Variants in PAH observed in about 807,000 individuals in gnomAD.
PAH encodes phenylalanine-4-hydroxylase.
PAH carries 64 observed loss-of-function variants against 62.0 expected under a neutral mutation model. The ratio of observed to expected loss-of-function variants is 1.03; its 90% confidence interval spans 0.84 to 1.27. PAH has a LOEUF of 1.27. PAH is among the 50% of genes most tolerant of loss of function. PAH has a pLI of 0.00. For missense variants in PAH, 579 were observed against 542.8 expected (o/e 1.07, Z -0.66); for synonymous variants, 195 against 196.2 (o/e 0.99, Z 0.05).
chr12:102,900,678 T>C (rs1045235947), intron 2 of PAH, among the ~76,000 whole-genome samples: 2 of 152,226 alleles, frequency 1.3e-5, no homozygotes, highest in African/African-American at 4.8e-5. Flanking sequence ...GTCTTTCTAA[T>C]TTACTAGTAT....
rs281865438 is a variant in PAH, at chr12:102,912,795, A to G, written c.164T>C (p.Phe55Ser). Residue 55 changes from phenylalanine to serine, a missense_variant, in exon 2 of 13, where the codon TTT becomes TCT. Physicochemically the swap from Phe to Ser is radical, Grantham distance 155 (BLOSUM62 -2). Coordinates refer to ENST00000553106, the MANE Select transcript of PAH (RefSeq NM_000277.3). ...AAACATGATTGTAGCACTGACCTCA[A>G]ATAAGCGCAATACTTTGGCCAATGC... ...VGALAKVLRL[F>S]EENDVNLTHI... is the part of the protein sequence containing the mutation. 1 of 1,607,032 alleles carries G rather than the reference A, an allele frequency of 6.2e-7. No homozygotes were observed. The highest frequency in any genetic ancestry group is 8.5e-7 in the Non-Finnish European group (1 of 1,173,572).
chr12:102,864,887 CACCGA>C, intron 5 of PAH, among the ~76,000 whole-genome samples: 1 of 150,936 alleles, frequency 6.6e-6, no homozygotes, highest in South Asian at 2.1e-4. Flanking sequence ...GTAAAAAGAG[CACCGA>C]AAGCTTAAAT....
intron 4 of PAH, among the ~76,000 whole-genome samples, chr12:102,874,406 ATCATG>A (rs1404342588): frequency 6.6e-6 from 1 of 152,200 alleles, no homozygotes; most frequent in Non-Finnish European, 1.5e-5. Context: ...GAGGGCAGGG[ATCATG>A]TCATCTGTCA....
rs1169321958 is a variant in PAH at position 102,957,528 on chromosome 12, T to C, written c.-96+667A>G. On this transcript the variant is annotated intron_variant, in intron 1 of 4. Transcript: ENST00000551337. The surrounding 1 kb of genome is among the most constrained non-coding windows in gnomAD (Gnocchi z 4.1). Reference sequence around the variant, plus strand: ...AGAGGAGGAGGGGGAGTTTAGGGAGTGGGTGGGAGGAAGAGGTAAGAGGAG... The same window carrying C: ...AGAGGAGGAGGGGGAGTTTAGGGAGCGGGTGGGAGGAAGAGGTAAGAGGAG... 6.7e-5 allele frequency among the ~76,000 whole-genome samples: 2 copies of C among 29,640 alleles called. No homozygotes were observed. Among genetic ancestry groups the C allele is most frequent in the African/African-American group, 2.6e-4 (2 of 7,614 alleles). 19.4% of individuals were successfully genotyped at this position (29,640 alleles called of 152,430 possible).
chr12:102,850,231 T>A (rs1345318089), intron 8 of PAH, among the ~76,000 whole-genome samples: 2 of 152,198 alleles, frequency 1.3e-5, no homozygotes, highest in Admixed American at 1.3e-4. Context: ...GTTCAACTAA[T>A]CCCGAAACAC....
chr12:102,861,966 T>TAAAAAAAAAA (rs71097947), intron 5 of PAH, among the ~76,000 whole-genome samples: 16 of 128,412 alleles, frequency 1.2e-4, no homozygotes, highest in South Asian at 2.6e-4. Flanking sequence ...ACTTAAAGTA[T>TAAAAAAAAAA]AAAAAAAAAA....
intron 4 of PAH, among the ~76,000 whole-genome samples, chr12:102,872,743 G>A (rs957696765): frequency 2.6e-5 from 4 of 152,112 alleles, no homozygotes; most frequent in South Asian, 2.1e-4. Context: ...TGAGGCGAGC[G>A]GATCACCTGA....
intron 5 of PAH, among the ~76,000 whole-genome samples, chr12:102,857,994 T>C (rs1565849557): frequency 6.6e-6 from 1 of 152,084 alleles, no homozygotes; most frequent in Non-Finnish European, 1.5e-5. Context: ...TAAATGTAAA[T>C]GGGGCTAAAT....
intron 4 of PAH, among the ~76,000 whole-genome samples, chr12:102,871,029 A>C (rs1203762029): frequency 6.6e-6 from 1 of 151,986 alleles, no homozygotes; most frequent in Non-Finnish European, 1.5e-5. Flanking sequence ...TGTCCTTCCT[A>C]CTTCATTCTC....
upstream of PAH, among the ~76,000 whole-genome samples, chr12:102,919,560 G>A (rs920585831): frequency 2.0e-5 from 3 of 151,312 alleles, no homozygotes; most frequent in African/African-American, 7.3e-5. Context: ...ATATTTTTTT[G>A]TACCTATTAA....
intron 4 of PAH, among the ~76,000 whole-genome samples, chr12:102,867,911 A>G (rs192987275): frequency 0.013 from 1,787 of 139,280 alleles, 150 homozygotes; most frequent in African/African-American, 0.047. Context: ...GTATATATAC[A>G]TGTATATACA....
Position 102,846,881 on chromosome 12 carries a change from G to A in PAH, c.969+14C>T, listed in dbSNP as rs778297013. ...TAGCACTCCACCATCCACCCAGGGAGAGAAGGGACTTACTGTGGCGAGCTT... is the reference window on the plus strand; with the variant it reads ...TAGCACTCCACCATCCACCCAGGGAAAGAAGGGACTTACTGTGGCGAGCTT... On this transcript the variant is annotated intron_variant, in intron 9 of 12. Transcript: ENST00000553106. The A allele has an allele frequency of 3.7e-6, 6 of 1,610,816 alleles. No individual in the cohort carries two copies. The Admixed American group carries it at 8.3e-5, about 22-fold the overall frequency.
chr12:102,922,414 G>C (rs34998754), intron 1 of PAH, among the ~76,000 whole-genome samples: 4,809 of 151,966 alleles, frequency 0.032, 263 homozygotes, highest in African/African-American at 0.11. Context: ...GGTTAGTCTC[G>C]ATCTCCTGAA....
At chr12:102,884,962 T>G (rs1460396086) in intron 3 of PAH, among the ~76,000 whole-genome samples, 6 of 152,228 alleles carry the variant, frequency 3.9e-5, no homozygotes, top group African/African-American at 1.4e-4. Context: ...ACAAAGTGAT[T>G]TGCTCAAGAT....
At chr12:102,857,644 G>C (rs941568218) in intron 5 of PAH, among the ~76,000 whole-genome samples, 1 of 152,216 alleles carries the variant, frequency 6.6e-6, no homozygotes, top group Admixed American at 6.5e-5. Context: ...AACTCTACCA[G>C]CCAGAAGAGA....
At chr12:102,840,338 A>T (rs1458150702) in intron 12 of PAH, 62 bp downstream of exon 12, 22 of 969,252 alleles carry the variant, frequency 2.3e-5, no homozygotes, top group Non-Finnish European at 2.9e-5. Flanking sequence ...TGGCGATGGT[A>T]GGGAAAGACA....
rs765490451 is a variant in PAH at position 102,843,787 on chromosome 12, C to A, written c.1066-8G>T. The A allele has an allele frequency of 6.2e-7, 1 of 1,613,314 alleles. No individual in the cohort carries two copies. Among genetic ancestry groups the A allele is most frequent in the Middle Eastern group, 1.7e-4 (1 of 6,056 alleles). The stretch of plus-strand genomic sequence containing the variant: ...CTTCTCTGATAAGCAGTACTGTAGG[C>A]CCCAAGTGAAAAGTTATTATCACTG... On this transcript the variant is annotated splice_region_variant and splice_polypyrimidine_tract_variant and intron_variant, in intron 10 of 12. Coordinates refer to ENST00000553106, the MANE Select transcript of PAH (RefSeq NM_000277.3).
chr12:102,857,952 A>G (rs1240900492), intron 5 of PAH, among the ~76,000 whole-genome samples: 1 of 152,232 alleles, frequency 6.6e-6, no homozygotes, highest in Non-Finnish European at 1.5e-5. Context: ...TCATAATGAC[A>G]GGATCAAATT....
chr12:102,917,366 G>T (rs1217153659), upstream of PAH: 1 of 552,110 alleles, frequency 1.8e-6, no homozygotes, highest in Non-Finnish European at 3.3e-6. Flanking sequence ...AGGACGGGCC[G>T]GAGGGGAGGG....
Sources: allele counts gnomAD v4.1 joint callset (sites outside exome capture counted in the v4.1 genomes callset), GRCh38; gene constraint gnomAD v4.1.1; non-coding constraint Gnocchi (gnomAD v3.1); transcripts MANE v1.5; gene names NCBI Gene and HGNC (gene_info 2026-07-23, HGNC 2026-07-21).